The following CEP295 variants were observed in gnomAD, a reference collection of about 807,000 sequenced individuals.
CEP295 encodes centrosomal protein 295.
CEP295 carries 190 observed loss-of-function variants against 291.6 expected under a neutral mutation model. That is an observed-to-expected ratio of 0.65 (90% CI 0.58 to 0.73). CEP295 has a LOEUF of 0.73. Among genes scored for constraint, CEP295 ranks in the 30% least tolerant of loss-of-function variants. The pLI, the probability that CEP295 is intolerant of heterozygous loss-of-function variation, is 0.00. For synonymous variants in CEP295, 993 were observed against 1,038.8 expected (o/e 0.96, Z 0.85); for missense variants, 2,863 against 2,949.4 (o/e 0.97, Z 0.68).
intron 18 of CEP295, among the ~76,000 whole-genome samples, chr11:93,710,229 T>G (rs902805981): frequency 6.6e-6 from 1 of 152,228 alleles, no homozygotes; most frequent in African/African-American, 2.4e-5. Context: ...GGAAAGGCTT[T>G]CAGGTTTTCC....
At chr11:93,709,806 C>T (rs916377662) in intron 18 of CEP295, among the ~76,000 whole-genome samples, 6 of 151,860 alleles carry the variant, frequency 4.0e-5, no homozygotes, top group Admixed American at 1.3e-4. Flanking sequence ...TTTTGTGTGT[C>T]CTCTTTAATT....
chr11:93,683,761 G>C lies in CEP295; in HGVS notation c.949+19G>C. 1.3e-6 allele frequency: 2 copies of C among 1,518,144 alleles called. No homozygotes were observed. The highest frequency in any genetic ancestry group is 8.8e-7 in the Non-Finnish European group (1 of 1,135,950). The allele number at this position is 1,518,144 out of a possible 1,614,324, so 94.0% of individuals were successfully genotyped here. On this transcript the variant is annotated intron_variant, in intron 8 of 29. Coordinates refer to ENST00000325212, the MANE Select transcript of CEP295 (RefSeq NM_033395.2). ...GACAGGAGTAAGATATTTTCAGTAGGGCTTTCAATAGTGATTTTATACGTT... is the reference window on the plus strand; with the variant it reads ...GACAGGAGTAAGATATTTTCAGTAGCGCTTTCAATAGTGATTTTATACGTT...
intron 7 of CEP295, among the ~76,000 whole-genome samples, chr11:93,681,712 C>T (rs1173068488): frequency 1.3e-5 from 2 of 151,912 alleles, no homozygotes; most frequent in African/African-American, 2.4e-5. Context: ...CCATGCCCAG[C>T]CCAAGTTTTT....
chr11:93,695,758 C>A (rs1951815402), intron 13 of CEP295, 124 bp downstream of exon 13: 2 of 1,159,136 alleles, frequency 1.7e-6, no homozygotes, highest in South Asian at 3.4e-5. Flanking sequence ...TGCCTGTAAT[C>A]TCAGCACTTT....
chr11:93,679,818 G>A (rs927253873), intron 7 of CEP295, among the ~76,000 whole-genome samples: 1 of 152,102 alleles, frequency 6.6e-6, no homozygotes, highest in African/African-American at 2.4e-5. Context: ...TCCAAAAACA[G>A]CCTGAGGAAA....
intron 1 of CEP295, among the ~76,000 whole-genome samples, chr11:93,662,581 C>T (rs1950038006): frequency 6.6e-6 from 1 of 152,100 alleles, no homozygotes; most frequent in African/African-American, 2.4e-5. Flanking sequence ...ATCCATATTA[C>T]TAAGAATAAA....
chr11:93,714,861 C>G (rs918985122), intron 18 of CEP295, among the ~76,000 whole-genome samples: 1 of 152,116 alleles, frequency 6.6e-6, no homozygotes, highest in Non-Finnish European at 1.5e-5. Context: ...CTCTCTCTCT[C>G]TGTGCTGAGC....
In CEP295 at chr11:93,720,937, G is replaced by A. The variant is rs148382521; in HGVS notation, c.5750-375G>A. On this transcript the variant is annotated intron_variant, in intron 18 of 29. Transcript: ENST00000325212. ...TTGTCTCTTTTATATGCATGTTTTC[G>A]CATCTTTAGGACCACACTGTGTTTA... is the stretch of plus-strand genomic sequence containing the variant. Among the ~76,000 whole-genome samples, 24 of 152,008 alleles carry A rather than the reference G, an allele frequency of 1.6e-4. No individual in the cohort carries two copies. The East Asian group carries it at 3.9e-3, about 24-fold the overall frequency.
rs933145415 is a variant in CEP295, at chr11:93,692,100, A to G, written c.1533+70A>G. On this transcript the variant is annotated intron_variant, in intron 12 of 29. Transcript: ENST00000325212. ...ACTATTATATAATTTTGTTTGGCCA[A>G]TGAAATTTGTCTTAATGTCTGGCTA... is the stretch of plus-strand genomic sequence containing the variant. 273 of 854,790 alleles carry G rather than the reference A, an allele frequency of 3.2e-4. 1 individual carries two copies. Among genetic ancestry groups the G allele is most frequent in the Admixed American group, 2.2e-3 (79 of 35,738 alleles). 53.0% of individuals were successfully genotyped at this position (854,790 alleles called of 1,614,324 possible).
intron 25 of CEP295, chr11:93,729,204 G>A (rs1937947156): frequency 1.2e-5 from 7 of 579,868 alleles, no homozygotes; most frequent in Admixed American, 6.0e-5. Flanking sequence ...GCCTAGAGGT[G>A]TGAGGGCAGT....
In CEP295 at chr11:93,699,575, G is replaced by C; in HGVS notation, c.4663G>C (p.Val1555Leu). The C allele has an allele frequency of 6.4e-7, 1 of 1,551,876 alleles. No homozygotes were observed. Among genetic ancestry groups the C allele is most frequent in the Non-Finnish European group, 8.7e-7 (1 of 1,147,094 alleles). ...QVCSSSFVSQ[V>L]PVADSERTQK... ...TTGCTCCTCTTCATTTGTATCCCAG[G>C]TGCCTGTTGCTGACTCTGAAAGAAC... is the stretch of plus-strand genomic sequence containing the variant. The change falls in exon 15 of 30, where the codon GTG becomes CTG. Residue 1555 changes from valine to leucine, a missense_variant. Physicochemically the swap from Val to Leu is conservative, Grantham distance 32. Around this residue, in one of 3 missense-constraint regions of CEP295, gnomAD observed 2,295 missense variants for 2,335.7 expected, o/e 0.98. Coordinates refer to ENST00000325212, the MANE Select transcript of CEP295 (RefSeq NM_033395.2).
At chr11:93,708,626 A>G (rs1166476725) in intron 18 of CEP295, among the ~76,000 whole-genome samples, 1 of 152,174 alleles carries the variant, frequency 6.6e-6, no homozygotes, top group East Asian at 1.9e-4. Flanking sequence ...GAGTGCAGAT[A>G]TCTCCTCAGT....
intron 12 of CEP295, among the ~76,000 whole-genome samples, chr11:93,692,972 C>CA (rs780110779): frequency 0.051 from 3,979 of 77,454 alleles, 124 homozygotes; most frequent in African/African-American, 0.098. Flanking sequence ...GACTCTATCT[C>CA]AAAAAAAAAA....
intron 6 of CEP295, among the ~76,000 whole-genome samples, chr11:93,679,151 C>G (rs1367093296): frequency 1.3e-5 from 2 of 152,194 alleles, no homozygotes; most frequent in African/African-American, 4.8e-5. Flanking sequence ...CAAGAGATTT[C>G]TTTGCTTACA....
intron 5 of CEP295, among the ~76,000 whole-genome samples, chr11:93,672,259 T>TA (rs1342954019): frequency 6.6e-6 from 1 of 152,206 alleles, no homozygotes; most frequent in Non-Finnish European, 1.5e-5. Flanking sequence ...ACTTATATAT[T>TA]AAAGTCTAGG....
Position 93,718,969 on chromosome 11 carries a change from TTGG to T in CEP295, c.5750-2337_5750-2335del, listed in dbSNP as rs567556528. On this transcript the variant is annotated intron_variant, in intron 18 of 29. Coordinates refer to ENST00000325212, the MANE Select transcript of CEP295 (RefSeq NM_033395.2). ...ACTAAAATACAAAAATTAGCCGGGC[TTGG>T]TGGTGCGCACCTGTAGTCCCAGCTA... 5.0e-3 allele frequency among the ~76,000 whole-genome samples: 759 copies of T among 152,156 alleles called. 10 individuals carry two copies. Among genetic ancestry groups the T allele is most frequent in the African/African-American group, 0.017 (700 of 41,532 alleles).
chr11:93,665,023 A>G (rs1037648361), intron 1 of CEP295, among the ~76,000 whole-genome samples: 4 of 152,226 alleles, frequency 2.6e-5, no homozygotes, highest in African/African-American at 9.6e-5. Context: ...TGTATAGGTA[A>G]TAATGTATTA....
intron 23 of CEP295, 106 bp downstream of exon 23, chr11:93,725,937 C>A: frequency 5.0e-6 from 4 of 803,526 alleles, no homozygotes; most frequent in Non-Finnish European, 7.9e-6. Flanking sequence ...CCCCTGCTCT[C>A]ACCCCTATCC....
At position 93,702,874 on chromosome 11, in the gene CEP295, A is replaced by G; in HGVS notation, c.5551A>G (p.Ile1851Val). 6.4e-7 allele frequency: 1 copy of G among 1,551,646 alleles called. No individual in the cohort carries two copies. The highest frequency in any genetic ancestry group is 2.0e-5 in the Admixed American group (1 of 51,000). ...CTTAAACCAGCATGAACTTAGTGCT[A>G]TACAAGAAGTAGAGTCACCAGCAAT... The part of the protein sequence containing the change: ...LDLNQHELSA[I>V]QEVESPAIGR... The change falls in exon 17 of 30, where the codon ATA (isoleucine) becomes GTA (valine). Residue 1851 changes from isoleucine (I) to valine (V), a missense_variant. Coordinates refer to ENST00000325212, the MANE Select transcript of CEP295 (RefSeq NM_033395.2).
Sources: allele counts gnomAD v4.1 joint callset (sites outside exome capture counted in the v4.1 genomes callset), GRCh38; gene constraint gnomAD v4.1.1; regional missense constraint gnomAD v4.1.1; transcripts MANE v1.5; gene names NCBI Gene and HGNC (gene_info 2026-07-23, HGNC 2026-07-21).